PCDHA12: variants seen among roughly 807,000 people sequenced by gnomAD.
The protein encoded by PCDHA12 is protocadherin alpha-12.
A neutral mutation model predicts 60.0 loss-of-function variants in PCDHA12; 44 were observed. The observed-to-expected ratio is 0.73, with a 90% CI of 0.58 to 0.94. PCDHA12 has a LOEUF of 0.94. Ranked by LOEUF, PCDHA12 falls within the 40% of genes least tolerant of loss-of-function variation. The probability of loss-of-function intolerance (pLI) is 0.00; values close to 1 mark genes in which losing one functional copy is unlikely to be tolerated. For synonymous variants in PCDHA12, 569 were observed against 553.0 expected, an observed-to-expected ratio of 1.03 and a Z score of -0.40; for missense variants, 1,276 against 1,239.7, an observed-to-expected ratio of 1.03 and a Z score of -0.44.
chr5:140,921,345 A>C (rs1411062408), intron 1 of PCDHA12, among the ~76,000 whole-genome samples: 1 of 152,120 alleles, frequency 6.6e-6, no homozygotes, highest in African/African-American at 2.4e-5. Context: ...CACATAATAT[A>C]TTTGCCTATA....
At chr5:140,967,128 T>G in intron 1 of PCDHA12, 14 of 1,612,170 alleles carry the variant, frequency 8.7e-6, no homozygotes, top group Non-Finnish European at 1.1e-5. Flanking sequence ...CTGCTCAGCT[T>G]GGAAGTGCTG....
At chr5:140,969,957 G>A (rs1554232176) in intron 1 of PCDHA12, among the ~76,000 whole-genome samples, 1 of 152,178 alleles carries the variant, frequency 6.6e-6, no homozygotes, top group East Asian at 1.9e-4. Flanking sequence ...AGTTTGCTTT[G>A]GCTGTATGAT....
chr5:140,945,533 A>G (rs1007849839), intron 1 of PCDHA12, among the ~76,000 whole-genome samples: 2 of 152,084 alleles, frequency 1.3e-5, no homozygotes, highest in African/African-American at 4.8e-5. Flanking sequence ...AAAACAAAAC[A>G]TACAAACAAA....
At chr5:140,927,290 T>C in intron 1 of PCDHA12, 1 of 1,614,054 alleles carries the variant, frequency 6.2e-7, no homozygotes, top group South Asian at 1.1e-5. Flanking sequence ...CAGCTGCACA[T>C]CCCCGAGTTC....
chr5:140,982,420 G>A, intron 2 of PCDHA12, 55 bp from the exon 3 acceptor site: 1 of 1,611,062 alleles, frequency 6.2e-7, no homozygotes, highest in Non-Finnish European at 8.5e-7. Context: ...GGTGGAAGAA[G>A]AGATGGGAAA....
At position 140,886,151 on chromosome 5, in the gene PCDHA12, T is replaced by G. The variant is rs184205776; in HGVS notation, c.2367+8312T>G. Reference sequence around the variant, plus strand: ...ACAACCAGATTCTTGATATCACCTTTTTATAGCCACATCTGCTTCCCTGCC... The same window carrying G: ...ACAACCAGATTCTTGATATCACCTTGTTATAGCCACATCTGCTTCCCTGCC... On this transcript the variant is annotated intron_variant, in intron 1 of 3. Coordinates refer to ENST00000398631, the MANE Select transcript of PCDHA12 (RefSeq NM_018903.4). Among the ~76,000 whole-genome samples, 468 of 152,312 alleles carry G rather than the reference T, an allele frequency of 3.1e-3. 3 individuals are homozygous for G. Among genetic ancestry groups the G allele is most frequent in the Middle Eastern group, 0.014 (4 of 294 alleles).
chr5:140,885,611 A>G (rs1422835119), intron 1 of PCDHA12, among the ~76,000 whole-genome samples: 5 of 152,216 alleles, frequency 3.3e-5, no homozygotes, highest in Non-Finnish European at 4.4e-5. Flanking sequence ...AATTTTAATT[A>G]TAAAATATGT....
At chr5:140,967,473 C>G in intron 1 of PCDHA12, 1 of 1,613,362 alleles carries the variant, frequency 6.2e-7, no homozygotes, top group Admixed American at 1.7e-5. Context: ...GGCATCCCAG[C>G]CCGCTCGGGT....
chr5:140,988,025 G>A (rs1305100946), intron 3 of PCDHA12, among the ~76,000 whole-genome samples: 1 of 152,136 alleles, frequency 6.6e-6, no homozygotes, highest in African/African-American at 2.4e-5. Context: ...TGATTCTTAA[G>A]TTTTTTAGAA....
At chr5:140,992,761 A>G (rs1400429465) in intron 3 of PCDHA12, among the ~76,000 whole-genome samples, 1 of 152,180 alleles carries the variant, frequency 6.6e-6, no homozygotes, top group African/African-American at 2.4e-5. Flanking sequence ...TGTTGGGGAT[A>G]GGAGGGTGGG....
chr5:140,995,899 A>G (rs900121248), intron 3 of PCDHA12, among the ~76,000 whole-genome samples: 2 of 152,226 alleles, frequency 1.3e-5, no homozygotes, highest in Non-Finnish European at 2.9e-5. Context: ...ATCAATGTAT[A>G]AAAGAGGAGA....
intron 1 of PCDHA12, 171 bp downstream of exon 1, chr5:140,878,010 A>G: frequency 2.4e-6 from 2 of 839,980 alleles, no homozygotes; most frequent in Non-Finnish European, 3.4e-6. Flanking sequence ...GTCTAACATT[A>G]ATGAAGGAAA....
chr5:140,966,022 T>G (rs2095958244), intron 1 of PCDHA12, among the ~76,000 whole-genome samples: 1 of 151,842 alleles, frequency 6.6e-6, no homozygotes, highest in South Asian at 2.1e-4. Flanking sequence ...GATGTGGGAG[T>G]CAGGTGAATA....
intron 1 of PCDHA12, among the ~76,000 whole-genome samples, chr5:140,915,767 C>T (rs1554197085): frequency 6.6e-6 from 1 of 151,976 alleles, no homozygotes; most frequent in Non-Finnish European, 1.5e-5. Context: ...TGGGTCTTGT[C>T]CAAGGCCTGC....
chr5:141,010,205 G>A lies in PCDHA12; in HGVS notation c.*268G>A, dbSNP rs1554262753. On this transcript the variant is annotated 3_prime_UTR_variant, in exon 4 of 4. Transcript: ENST00000398631. ...ACCCAAGTTTCCTTTCTCCTCCGCC[G>A]CAAAGGAGAGGCTTCCCAGCCCCGC... 4 of 1,551,732 alleles carry A rather than the reference G, an allele frequency of 2.6e-6. No homozygotes were observed. Among genetic ancestry groups the A allele is most frequent in the African/African-American group, 1.4e-5 (1 of 73,014 alleles).
intron 1 of PCDHA12, among the ~76,000 whole-genome samples, chr5:140,931,548 G>C (rs2087590460): frequency 6.6e-6 from 1 of 151,968 alleles, no homozygotes; most frequent in African/African-American, 2.4e-5. Flanking sequence ...CTGTTCATAT[G>C]TGCAGGAATA....
intron 1 of PCDHA12, among the ~76,000 whole-genome samples, chr5:140,911,493 A>G (rs1157677496): frequency 6.6e-6 from 1 of 152,168 alleles, no homozygotes; most frequent in African/African-American, 2.4e-5. Context: ...CAATCTTAGC[A>G]GGTTTGAGGT....
At chr5:140,915,825 C>T (rs1272581051) in intron 1 of PCDHA12, among the ~76,000 whole-genome samples, 1 of 152,118 alleles carries the variant, frequency 6.6e-6, no homozygotes, top group Non-Finnish European at 1.5e-5. Flanking sequence ...GGCCCTAGGG[C>T]TCTAAGATCA....
chr5:140,968,159 A>T, intron 1 of PCDHA12: 6 of 1,614,136 alleles, frequency 3.7e-6, no homozygotes, highest in Non-Finnish European at 4.2e-6. Flanking sequence ...CATCAATGAC[A>T]ATCCACCAAG....
Sources: allele counts gnomAD v4.1 joint callset (sites outside exome capture counted in the v4.1 genomes callset), GRCh38; gene constraint gnomAD v4.1.1; transcripts MANE v1.5; gene names NCBI Gene and HGNC (gene_info 2026-07-23, HGNC 2026-07-21).